Variants in CALN1 observed in about 807,000 individuals in gnomAD.
CALN1 encodes calcium-binding protein 8.
CALN1 carries 17 observed loss-of-function variants against 30.6 expected under a neutral mutation model. The ratio of observed to expected loss-of-function variants is 0.56; its 90% CI spans 0.38 to 0.83. CALN1 has a LOEUF of 0.83. Among genes scored for constraint, CALN1 ranks in the 40% least tolerant of loss-of-function variants. CALN1 has a pLI of 0.00. For missense variants in CALN1, 291 were observed against 354.9 expected, an observed-to-expected ratio of 0.82 and a Z score of 1.45; for synonymous variants, 156 against 131.4, an observed-to-expected ratio of 1.19 and a Z score of -1.28.
intron 4 of CALN1, among the ~76,000 whole-genome samples, chr7:72,046,120 C>G (rs548683817): frequency 6.6e-6 from 1 of 151,620 alleles, no homozygotes; most frequent in East Asian, 2.0e-4. Flanking sequence ...TGAGACCAGC[C>G]TGGGCAACCC....
intron 5 of CALN1, among the ~76,000 whole-genome samples, chr7:71,931,455 C>T (rs912137345): frequency 7.3e-5 from 11 of 151,454 alleles, no homozygotes; most frequent in African/African-American, 1.7e-4. Flanking sequence ...TTAGTAGAGA[C>T]GGGGTTTCAC....
chr7:72,225,861 G>T (rs977448531), intron 3 of CALN1, among the ~76,000 whole-genome samples: 1 of 152,264 alleles, frequency 6.6e-6, no homozygotes, highest in African/African-American at 2.4e-5. Context: ...ACTTTGGGAG[G>T]CCGAGGCAGG....
At chr7:72,430,485 T>C (rs1409435353) in intron 1 of CALN1, among the ~76,000 whole-genome samples, 1 of 152,140 alleles carries the variant, frequency 6.6e-6, no homozygotes, top group Non-Finnish European at 1.5e-5. Flanking sequence ...CTGCTTTAAG[T>C]GTTTTCTGGA....
intron 2 of CALN1, among the ~76,000 whole-genome samples, chr7:72,387,281 G>GGAGT (rs1805280192): frequency 1.5e-5 from 1 of 66,814 alleles, no homozygotes; most frequent in African/African-American, 5.6e-5. Context: ...AGGAAGGGAG[G>GGAGT]GAGGGAGGGA....
chr7:72,466,195 A>G, the CALN1 span, among the ~76,000 whole-genome samples: 2 of 152,094 alleles, frequency 1.3e-5, no homozygotes, highest in Non-Finnish European at 2.9e-5. Context: ...TATCACAGGG[A>G]CCTGAACAGG....
At chr7:72,240,754 A>C (rs548120929) in intron 3 of CALN1, among the ~76,000 whole-genome samples, 3 of 152,332 alleles carry the variant, frequency 2.0e-5, no homozygotes, top group East Asian at 1.9e-4. Context: ...GAGTGTGGGC[A>C]GTGTTCTTGG....
chr7:71,803,694 C>T (rs1175984192), intron 6 of CALN1, among the ~76,000 whole-genome samples: 3 of 152,034 alleles, frequency 2.0e-5, no homozygotes, highest in African/African-American at 2.4e-5. Flanking sequence ...AGGCTGGTCT[C>T]GAACTCCTGA....
chr7:72,139,405 A>C (rs547921686), intron 3 of CALN1, among the ~76,000 whole-genome samples: 2 of 146,568 alleles, frequency 1.4e-5, no homozygotes, highest in Admixed American at 6.8e-5. Context: ...CCCTCTTCTA[A>C]GCACCTCAGC....
intron 4 of CALN1, among the ~76,000 whole-genome samples, chr7:72,082,206 G>C (rs980941240): frequency 6.6e-6 from 1 of 152,056 alleles, no homozygotes; most frequent in East Asian, 1.9e-4. Flanking sequence ...GGCTTATCTC[G>C]AACTCCTGAC....
At chr7:72,144,960 A>G (rs1180615030) in intron 3 of CALN1, among the ~76,000 whole-genome samples, 1 of 152,204 alleles carries the variant, frequency 6.6e-6, no homozygotes, top group Non-Finnish European at 1.5e-5. Flanking sequence ...TCTCTGGGAC[A>G]CATTTAAAGC....
intron 5 of CALN1, among the ~76,000 whole-genome samples, chr7:71,831,869 C>T (rs548304715): frequency 3.0e-5 from 1 of 33,854 alleles, no homozygotes; most frequent in African/African-American, 1.1e-4. Flanking sequence ...GAAACCCTGC[C>T]TCAAAAAAAA....
upstream of CALN1, among the ~76,000 whole-genome samples, chr7:72,417,265 G>A (rs185805657): frequency 1.4e-4 from 21 of 152,298 alleles, no homozygotes; most frequent in East Asian, 2.3e-3. Flanking sequence ...AGACCCCTGC[G>A]GTCTCTGGCC....
intron 2 of CALN1, among the ~76,000 whole-genome samples, chr7:72,321,649 A>G (rs1367677066): frequency 3.9e-5 from 6 of 152,182 alleles, no homozygotes; most frequent in African/African-American, 1.2e-4. Flanking sequence ...GTAGTTAACT[A>G]AAGTTGGTGA....
intron 3 of CALN1, among the ~76,000 whole-genome samples, chr7:72,195,107 T>C (rs1790894600): frequency 1.3e-5 from 2 of 152,182 alleles, no homozygotes; most frequent in African/African-American, 4.8e-5. Flanking sequence ...AGCAGCACAT[T>C]GCCAAGTGCC....
chr7:71,926,477 T>C (rs1357612148), intron 5 of CALN1, among the ~76,000 whole-genome samples: 3 of 152,208 alleles, frequency 2.0e-5, no homozygotes, highest in South Asian at 4.1e-4. Context: ...CTTGTTCTGC[T>C]GATTAGACCC....
intron 5 of CALN1, among the ~76,000 whole-genome samples, chr7:71,988,694 G>A (rs890999669): frequency 6.6e-6 from 1 of 152,160 alleles, no homozygotes; most frequent in African/African-American, 2.4e-5. Context: ...CTATGAGAAT[G>A]AGATCCAGGC....
intron 4 of CALN1, among the ~76,000 whole-genome samples, chr7:72,081,225 G>A (rs1563040367): frequency 6.6e-6 from 1 of 152,000 alleles, no homozygotes; most frequent in East Asian, 1.9e-4. Context: ...GAAACCAAAA[G>A]AAACATAGTA....
At chr7:71,910,772 A>G (rs1192647987) in intron 5 of CALN1, among the ~76,000 whole-genome samples, 1 of 152,004 alleles carries the variant, frequency 6.6e-6, no homozygotes, top group Non-Finnish European at 1.5e-5. Context: ...TGTTTCCTGC[A>G]CCGTTTTTTT....
At chr7:71,974,535 C>G (rs746701409) in intron 5 of CALN1, among the ~76,000 whole-genome samples, 4 of 151,884 alleles carry the variant, frequency 2.6e-5, no homozygotes, top group African/African-American at 4.8e-5. Context: ...CCTGTTCCAC[C>G]ACCCCTTGAG....
Sources: gnomAD v4.1 joint callset for allele counts (sites outside exome capture counted in the v4.1 genomes callset) on GRCh38, gnomAD v4.1.1 for gene constraint, MANE v1.5 for transcripts, NCBI Gene and HGNC (gene_info 2026-07-23, HGNC 2026-07-21) for gene names.